Variants in ST6GALNAC3 observed in about 807,000 individuals in gnomAD.
ST6GALNAC3 encodes the protein ST6 N-acetylgalactosaminide alpha-2,6-sialyltransferase 3.
A neutral mutation model predicts 32.7 loss-of-function variants in ST6GALNAC3; 25 were observed. The observed-to-expected ratio is 0.76, with a 90% CI of 0.56 to 1.07. ST6GALNAC3 has a LOEUF of 1.07. Ranked by LOEUF, ST6GALNAC3 falls within the 50% of genes least tolerant of loss-of-function variation. The probability of loss-of-function intolerance (pLI) is 0.00; values close to 1 mark genes in which losing one functional copy is unlikely to be tolerated. For missense variants in ST6GALNAC3, 355 were observed against 382.4 expected, an observed-to-expected ratio of 0.93 and a Z score of 0.60; for synonymous variants, 129 against 133.1, an observed-to-expected ratio of 0.97 and a Z score of 0.21.
intron 1 of ST6GALNAC3, among the ~76,000 whole-genome samples, chr1:76,194,344 C>T (rs953363396): frequency 3.9e-5 from 6 of 152,074 alleles, no homozygotes; most frequent in Admixed American, 6.6e-5. Context: ...TCAAACCTTG[C>T]GTTTTAGGAC....
rs1352925825 is a variant in ST6GALNAC3, at chr1:76,616,149, G to C, written c.624-11303G>C. Among the ~76,000 whole-genome samples, 3 of 152,158 alleles carry C rather than the reference G, an allele frequency of 2.0e-5. No homozygotes were observed. The East Asian group carries it at 5.8e-4, about 29-fold the overall frequency. ...AGATCTTTTTTCTCATAGATTGCCA[G>C]CCGAACTGTGTAGCAACACTATGGA... On this transcript the variant is annotated intron_variant, in intron 3 of 4. Coordinates refer to ENST00000328299, the MANE Select transcript of ST6GALNAC3 (RefSeq NM_152996.4).
intron 1 of ST6GALNAC3, among the ~76,000 whole-genome samples, chr1:76,242,302 A>T (rs1488104322): frequency 6.6e-6 from 1 of 152,090 alleles, no homozygotes; most frequent in Non-Finnish European, 1.5e-5. Flanking sequence ...CCTGGGGGAG[A>T]GGAGTGCTGG....
intron 1 of ST6GALNAC3, among the ~76,000 whole-genome samples, chr1:76,225,755 G>A (rs1656030406): frequency 6.6e-6 from 1 of 152,164 alleles, no homozygotes; most frequent in Admixed American, 6.6e-5. Context: ...GAGATGAAAT[G>A]ATGACAAATT....
At chr1:76,256,342 A>G (rs1265331816) in intron 1 of ST6GALNAC3, among the ~76,000 whole-genome samples, 2 of 152,108 alleles carry the variant, frequency 1.3e-5, no homozygotes, top group African/African-American at 4.8e-5. Context: ...AAGGCAAGGT[A>G]TTTAGAATTT....
intron 1 of ST6GALNAC3, among the ~76,000 whole-genome samples, chr1:76,150,018 A>G (rs1650940701): frequency 6.6e-6 from 1 of 152,238 alleles, no homozygotes. Flanking sequence ...TCTGCTGGGA[A>G]GAATGGGGAC....
At chr1:76,373,295 G>T (rs1267280678) in intron 2 of ST6GALNAC3, among the ~76,000 whole-genome samples, 1 of 152,172 alleles carries the variant, frequency 6.6e-6, no homozygotes, top group Non-Finnish European at 1.5e-5. Flanking sequence ...ACCTTGCTGG[G>T]CCTGTTTTCT....
At chr1:76,475,466 C>G (rs1659291003) in intron 3 of ST6GALNAC3, among the ~76,000 whole-genome samples, 1 of 152,136 alleles carries the variant, frequency 6.6e-6, no homozygotes, top group South Asian at 2.1e-4. Context: ...TAACTATAGT[C>G]ATTGGAATTA....
At chr1:76,343,153 C>T (rs1488934369) in intron 2 of ST6GALNAC3, among the ~76,000 whole-genome samples, 1 of 152,064 alleles carries the variant, frequency 6.6e-6, no homozygotes, top group Non-Finnish European at 1.5e-5. Context: ...TTGCCTAGTC[C>T]AATGTCTAGC....
intron 1 of ST6GALNAC3, among the ~76,000 whole-genome samples, chr1:76,241,653 T>G (rs1656973697): frequency 6.6e-6 from 1 of 152,212 alleles, no homozygotes. Context: ...GTGGATAGTC[T>G]GAATTAAGAT....
chr1:76,281,170 C>CT (rs1659479079), intron 1 of ST6GALNAC3, among the ~76,000 whole-genome samples: 2 of 152,128 alleles, frequency 1.3e-5, no homozygotes, highest in Non-Finnish European at 2.9e-5. Flanking sequence ...TTAATTCAAG[C>CT]TTTTTTCTCC....
chr1:76,515,760 T>C (rs1054896274), intron 3 of ST6GALNAC3, among the ~76,000 whole-genome samples: 2 of 152,222 alleles, frequency 1.3e-5, no homozygotes, highest in Non-Finnish European at 2.9e-5. Context: ...TGTACCATTA[T>C]GGTCTGAAAA....
intron 3 of ST6GALNAC3, among the ~76,000 whole-genome samples, chr1:76,545,520 AATTAT>A (rs1263746050): frequency 2.6e-5 from 4 of 152,150 alleles, no homozygotes; most frequent in African/African-American, 2.4e-5. Context: ...TAATAAAAAT[AATTAT>A]ATTATACTTA....
chr1:76,365,527 C>T (rs1650297999), intron 2 of ST6GALNAC3, among the ~76,000 whole-genome samples: 1 of 152,134 alleles, frequency 6.6e-6, no homozygotes, highest in Admixed American at 6.6e-5. Context: ...AAAGGTAAAG[C>T]TATTACTTTT....
At chr1:76,573,667 T>TTC (rs1265665842) in intron 3 of ST6GALNAC3, among the ~76,000 whole-genome samples, 1 of 151,740 alleles carries the variant, frequency 6.6e-6, no homozygotes, top group Non-Finnish European at 1.5e-5. Context: ...TCTTCTCCTT[T>TTC]TTTTTTTGTC....
intron 2 of ST6GALNAC3, among the ~76,000 whole-genome samples, chr1:76,316,052 A>C (rs1260355360): frequency 6.7e-6 from 1 of 150,366 alleles, no homozygotes; most frequent in Non-Finnish European, 1.5e-5. Flanking sequence ...CAATGAGAAA[A>C]ATATTTAAAA....
At chr1:76,457,147 G>A (rs1228632031) in intron 3 of ST6GALNAC3, among the ~76,000 whole-genome samples, 3 of 151,864 alleles carry the variant, frequency 2.0e-5, no homozygotes, top group Non-Finnish European at 1.5e-5. Flanking sequence ...AACTTACAAG[G>A]GATGTGAAGG....
chr1:76,352,486 T>G (rs1649062711), intron 2 of ST6GALNAC3, among the ~76,000 whole-genome samples: 1 of 149,430 alleles, frequency 6.7e-6, no homozygotes, highest in Non-Finnish European at 1.5e-5. Context: ...ATTTTCAAAC[T>G]TTTTGGTTTC....
At chr1:76,139,898 A>G (rs2100272738) in intron 1 of ST6GALNAC3, among the ~76,000 whole-genome samples, 1 of 152,320 alleles carries the variant, frequency 6.6e-6, no homozygotes, top group South Asian at 2.1e-4. Flanking sequence ...GTAGAATAGG[A>G]TGGGGATGAC....
At chr1:76,181,172 C>T (rs879225366) in intron 1 of ST6GALNAC3, among the ~76,000 whole-genome samples, 3 of 152,214 alleles carry the variant, frequency 2.0e-5, no homozygotes, top group Admixed American at 6.5e-5. Context: ...AACAGACAAG[C>T]CAAACCCCTG....
Sources: gnomAD v4.1 joint callset for allele counts (sites outside exome capture counted in the v4.1 genomes callset) on GRCh38, gnomAD v4.1.1 for gene constraint, MANE v1.5 for transcripts, NCBI Gene and HGNC (gene_info 2026-07-23, HGNC 2026-07-21) for gene names.